Variants in EFNB2 observed in about 807,000 individuals in gnomAD.
EFNB2 encodes ephrin B2.
In EFNB2, 5 loss-of-function variants were observed where a neutral mutation model predicts 32.1. The ratio of observed to expected loss-of-function variants is 0.16; its 90% confidence interval spans 0.08 to 0.33. EFNB2 has a LOEUF of 0.33. Among genes scored for constraint, EFNB2 ranks in the 10% least tolerant of loss-of-function variants. The probability of loss-of-function intolerance (pLI) is 1.00; values close to 1 mark genes in which losing one functional copy is unlikely to be tolerated. For synonymous variants in EFNB2, 168 were observed against 166.5 expected, an observed-to-expected ratio of 1.01 and a Z score of -0.07; for missense variants, 263 against 422.6, an observed-to-expected ratio of 0.62 and a Z score of 3.31.
At chr13:106,525,961 T>C (rs1191309948) in intron 1 of EFNB2, among the ~76,000 whole-genome samples, 1 of 152,148 alleles carries the variant, frequency 6.6e-6, no homozygotes, top group East Asian at 1.9e-4. Context: ...AGCTTTAATG[T>C]TGAGTTGTTT....
chr13:106,499,245 C>A (rs553455079), intron 2 of EFNB2, among the ~76,000 whole-genome samples: 8 of 150,504 alleles, frequency 5.3e-5, no homozygotes, highest in African/African-American at 2.0e-4. Context: ...AGGTTCCAAA[C>A]CCCCCTCCTT....
Position 106,512,062 on chromosome 13 carries a change from G to A in EFNB2, c.406+467C>T, listed in dbSNP as rs1879156263. Among the ~76,000 whole-genome samples the A allele has an allele frequency of 2.0e-5, 3 of 152,048 alleles. No individual in the cohort carries two copies. In the South Asian group the frequency reaches 6.2e-4, roughly 32 times the overall value. On this transcript the variant is annotated intron_variant, in intron 2 of 4. Transcript: ENST00000646441. ...ATCTTCTCTAGACTGTTAACTTCTT[G>A]AGGAAAACATGCTATTTTACCACCT...
intron 1 of EFNB2, among the ~76,000 whole-genome samples, chr13:106,514,937 T>C (rs988893295): frequency 2.0e-5 from 3 of 152,212 alleles, no homozygotes; most frequent in African/African-American, 7.2e-5. Flanking sequence ...TGTACATCTC[T>C]GCAAATCTTA....
Position 106,511,450 on chromosome 13 carries a change from C to T in EFNB2, c.406+1079G>A, listed in dbSNP as rs181520534. Reference sequence around the variant, plus strand: ...GAGCTGTGATCATGCCACTGCACGCCAGCCTCGGCAACAAAGCTAGACCCT... The same window carrying T: ...GAGCTGTGATCATGCCACTGCACGCTAGCCTCGGCAACAAAGCTAGACCCT... On this transcript the variant is annotated intron_variant, in intron 2 of 4. Coordinates refer to ENST00000646441, the MANE Select transcript of EFNB2 (RefSeq NM_004093.4). Among the ~76,000 whole-genome samples the T allele has an allele frequency of 9.6e-3, 1,468 of 152,244 alleles. 12 individuals are homozygous for T. Among genetic ancestry groups the T allele is most frequent in the Non-Finnish European group, 0.015 (1,029 of 68,012 alleles).
At chr13:106,519,164 G>A (rs1007743604) in intron 1 of EFNB2, 7 of 152,138 alleles carry the variant, frequency 4.6e-5, no homozygotes, top group Admixed American at 6.5e-5. Flanking sequence ...CAGATAACTA[G>A]GCCAGGTAAA....
chr13:106,512,428 C>A (rs1879175043), intron 2 of EFNB2, 101 bp downstream of exon 2: 156 of 477,534 alleles, frequency 3.3e-4, no homozygotes, highest in Middle Eastern at 7.8e-4. Flanking sequence ...AGATTTTCAT[C>A]AAATTATTTG....
At chr13:106,522,681 T>C (rs1233175809) in intron 1 of EFNB2, among the ~76,000 whole-genome samples, 2 of 141,452 alleles carry the variant, frequency 1.4e-5, no homozygotes, top group Non-Finnish European at 3.2e-5. Flanking sequence ...CTTCCTACCA[T>C]CATATTTTTT....
chr13:106,509,627 CTGTGTGTGTGTGTGTGTGTGTG>C (rs34068695), intron 2 of EFNB2, among the ~76,000 whole-genome samples: 5 of 142,570 alleles, frequency 3.5e-5, no homozygotes, highest in East Asian at 2.1e-4. Flanking sequence ...CAGAGCTTGA[CTGTGTGTGTGTGTGTGTGTGTG>C]TGTGTGTGTG....
Position 106,510,427 on chromosome 13 carries a change from G to A in EFNB2, c.406+2102C>T, listed in dbSNP as rs117326102. Among the ~76,000 whole-genome samples, 19 of 152,272 alleles carry A rather than the reference G, an allele frequency of 1.2e-4. No homozygotes were observed. The East Asian group carries it at 3.1e-3, about 25-fold the overall frequency. On this transcript the variant is annotated intron_variant, in intron 2 of 4. Transcript: ENST00000646441. Reference sequence around the variant, plus strand: ...CTAAAATTCCACTTGCGCCCAGTGCGAACTTAGAATTTGCAAAGCATTCTT... The same window carrying A: ...CTAAAATTCCACTTGCGCCCAGTGCAAACTTAGAATTTGCAAAGCATTCTT...
At chr13:106,526,409 A>G (rs1204916722) in intron 1 of EFNB2, among the ~76,000 whole-genome samples, 1 of 152,196 alleles carries the variant, frequency 6.6e-6, no homozygotes, top group African/African-American at 2.4e-5. Context: ...ATCATGACGT[A>G]CCGTGTATAT....
rs1052314018 is a variant in EFNB2, at chr13:106,495,908, A to G, written c.407-68T>C. 2.1e-6 allele frequency: 3 copies of G among 1,404,844 alleles called. No homozygotes were observed. The African/African-American group carries it at 4.3e-5, about 20-fold the overall frequency. The allele number at this position is 1,404,844 out of a possible 1,614,324, so 87.0% of individuals were successfully genotyped here. On this transcript the variant is annotated intron_variant, in intron 2 of 4. Transcript: ENST00000646441. Reference sequence around the variant, plus strand: ...ATCAGGAAATCAATAAGCCAAGTTTACATGAACATGAAATGTCTGAAAACA... The same window carrying G: ...ATCAGGAAATCAATAAGCCAAGTTTGCATGAACATGAAATGTCTGAAAACA...
At chr13:106,519,722 G>A (rs1321364031) in intron 1 of EFNB2, 1 of 152,088 alleles carries the variant, frequency 6.6e-6, no homozygotes, top group Non-Finnish European at 1.5e-5. Context: ...ACCACTTTGG[G>A]CTACTGAATG....
At position 106,492,920 on chromosome 13, in the gene EFNB2, C is replaced by T; in HGVS notation, c.*120G>A. 2 of 1,327,584 alleles carry T rather than the reference C, an allele frequency of 1.5e-6. No homozygotes were observed. Among genetic ancestry groups the T allele is most frequent in the Non-Finnish European group, 2.0e-6 (2 of 977,862 alleles). The allele number at this position is 1,327,584 out of a possible 1,614,324, so 82.2% of individuals were successfully genotyped here. A position where few individuals can be genotyped will look rare whatever the true frequency, so the allele number is the denominator to read the frequency against. On this transcript the variant is annotated 3_prime_UTR_variant, in exon 5 of 5. Coordinates refer to ENST00000646441, the MANE Select transcript of EFNB2 (RefSeq NM_004093.4). This position sits in a 1 kb window ranked among gnomAD's most constrained non-coding sequence, Gnocchi z 5.1. ...GACGGGCTCTTCCGAGGAGGAGTGTCCCTCTCCCCCGGTGCTGTGCTTCAG... is the reference window on the plus strand; with the variant it reads ...GACGGGCTCTTCCGAGGAGGAGTGTTCCTCTCCCCCGGTGCTGTGCTTCAG...
intron 1 of EFNB2, among the ~76,000 whole-genome samples, chr13:106,513,153 C>T (rs1340066719): frequency 2.0e-5 from 3 of 152,114 alleles, no homozygotes; most frequent in African/African-American, 7.2e-5. Context: ...AGTCAGATCT[C>T]CCACATGTTT....
chr13:106,497,535 GC>G lies in EFNB2; in HGVS notation c.407-1696del, dbSNP rs201130250. On this transcript the variant is annotated intron_variant, in intron 2 of 4. Coordinates refer to ENST00000646441, the MANE Select transcript of EFNB2 (RefSeq NM_004093.4). The stretch of plus-strand genomic sequence containing the variant: ...AAAATCTTTTTAATTATTTAATGGG[GC>G]TATTAAAATTTTTTTTTATTATACT... Among the ~76,000 whole-genome samples, 868 of 151,640 alleles carry G rather than the reference GC, an allele frequency of 5.7e-3. 6 individuals carry two copies. The highest frequency in any genetic ancestry group is 0.02 in the African/African-American group (826 of 41,254).
intron 3 of EFNB2, 137 bp downstream of exon 3, chr13:106,495,611 G>GAT: frequency 1.3e-6 from 1 of 772,908 alleles, no homozygotes; most frequent in Non-Finnish European, 2.1e-6. Flanking sequence ...TCTGTCAGTG[G>GAT]CTCAAAGTGC....
intron 1 of EFNB2, among the ~76,000 whole-genome samples, chr13:106,531,386 T>A (rs1175342983): frequency 6.6e-6 from 1 of 152,234 alleles, no homozygotes; most frequent in Admixed American, 6.5e-5. Context: ...ATGTGAGGAA[T>A]GTGGATGTGA....
intron 4 of EFNB2, among the ~76,000 whole-genome samples, chr13:106,494,429 C>A (rs1878521879): frequency 6.6e-6 from 1 of 152,020 alleles, no homozygotes; most frequent in African/African-American, 2.4e-5. Context: ...ACGATAACCA[C>A]CTGAAAAAAT....
chr13:106,498,475 C>A (rs905707680), intron 2 of EFNB2, among the ~76,000 whole-genome samples: 1 of 151,784 alleles, frequency 6.6e-6, no homozygotes, highest in Admixed American at 6.6e-5. Flanking sequence ...TGCTTTTGTG[C>A]GGAGCTCCCT....
Sources: allele counts gnomAD v4.1 joint callset (sites outside exome capture counted in the v4.1 genomes callset), GRCh38; gene constraint gnomAD v4.1.1; non-coding constraint Gnocchi (gnomAD v3.1); transcripts MANE v1.5; gene names NCBI Gene and HGNC (gene_info 2026-07-23, HGNC 2026-07-21).